GLOD5: variants seen among roughly 807,000 people sequenced by gnomAD.
GLOD5 encodes glyoxalase domain-containing protein 5.
Under a neutral mutation model 9.9 loss-of-function variants are expected in GLOD5, and 7 were observed. The ratio of observed to expected loss-of-function variants is 0.71; its 90% CI spans 0.40 to 1.33. The LOEUF (loss-of-function observed/expected upper bound fraction) is 1.33. Ranked by LOEUF, GLOD5 falls within the 40% of genes most tolerant of loss-of-function variation. GLOD5 has a pLI of 0.01. For missense variants in GLOD5, 146 were observed against 128.4 expected (o/e 1.14, Z -0.66); for synonymous variants, 49 against 47.3 (o/e 1.04, Z -0.14).
Position 48,773,295 on chromosome X carries a change from T to G in GLOD5, c.358-15T>G. On this transcript the variant is annotated splice_polypyrimidine_tract_variant and intron_variant, in intron 3 of 3. Transcript: ENST00000303227. ...CATTTTGACGAACGACTTTTGTCTT[T>G]TCTTCCCACTTCAGGCTTGTGATGT... The G allele has an allele frequency of 8.3e-7, 1 of 1,210,786 alleles. No individual in the cohort carries two copies. Among genetic ancestry groups the G allele is most frequent in the Admixed American group, 2.2e-5 (1 of 45,949 alleles).
chrX:48,773,634 T>C lies in GLOD5; in HGVS notation c.*199T>C, dbSNP rs1267604297. ...CATCAAAGTTGGCCTAATAAATGCATAACCTCTCAATGAATACGGGGTCTT... is the reference window on the plus strand; with the variant it reads ...CATCAAAGTTGGCCTAATAAATGCACAACCTCTCAATGAATACGGGGTCTT... On this transcript the variant is annotated 3_prime_UTR_variant, in exon 4 of 4. Transcript: ENST00000303227. The C allele has an allele frequency of 2.4e-6, 1 of 416,788 alleles. No homozygotes were observed. Among genetic ancestry groups the C allele is most frequent in the East Asian group, 4.0e-5 (1 of 24,881 alleles). The allele number at this position is 416,788 out of a possible 1,213,427, so 34.3% of individuals were successfully genotyped here. A position where few individuals can be genotyped will look rare whatever the true frequency, so the allele number is the denominator to read the frequency against.
chrX:48,770,866 C>T, intron 2 of GLOD5, 61 bp from the exon 3 acceptor site: 4 of 934,801 alleles, frequency 4.3e-6, no homozygotes, highest in East Asian at 3.5e-5. Context: ...AAGGCTTCAT[C>T]TCACACTCAT....
chrX:48,770,845 G>C, intron 2 of GLOD5, 82 bp from the exon 3 acceptor site: 1 of 756,006 alleles, frequency 1.3e-6, no homozygotes, highest in South Asian at 3.8e-5. Flanking sequence ...AACCTTGTTG[G>C]GATAGGTGGA....
At chrX:48,766,003 G>A in intron 2 of GLOD5, 31 bp downstream of exon 2, 4 of 1,184,035 alleles carry the variant, frequency 3.4e-6, no homozygotes, top group Non-Finnish European at 4.6e-6. Flanking sequence ...CAAAATTCAG[G>A]TGGGCTAAAA....
At chrX:48,772,401 G>A (rs1465898094) in intron 3 of GLOD5, among the ~76,000 whole-genome samples, 2 of 110,601 alleles carry the variant, frequency 1.8e-5, no homozygotes, top group Non-Finnish European at 3.8e-5. Flanking sequence ...TTAGCCAGAC[G>A]TGGCGGTGTG....
chrX:48,762,224 C>T (rs2062598115), intron 1 of GLOD5: 1 of 139,793 alleles, frequency 7.2e-6, no homozygotes, highest in Non-Finnish European at 1.4e-5. Flanking sequence ...AATTCAGAGG[C>T]CCCTGGCAAC....
rs1173032749 is a variant in GLOD5, at chrX:48,761,792, T to TG, written c.3dup (p.Leu2_?1). The TG allele has an allele frequency of 8.6e-7, 1 of 1,163,974 alleles. No individual in the cohort carries two copies. The highest frequency in any genetic ancestry group is 1.1e-6 in the Non-Finnish European group (1 of 871,363). The stretch of plus-strand genomic sequence containing the variant: ...CTGGGCAAAGACGCCTACCCTGCCA[T>TG]GCTGCGCCATCTGCCCTCCAGGCTG... On this transcript the variant is annotated frameshift_variant and start_lost, in exon 1 of 4. Transcript: ENST00000303227. LOFTEE classifies it high-confidence loss of function.
chrX:48,770,973 A>C lies in GLOD5; in HGVS notation c.248A>C (p.His83Pro), dbSNP rs1197787045. Residue 83 changes from histidine to proline, a missense_variant, in exon 3 of 4, where the codon CAC becomes CCC. Transcript: ENST00000303227. Reference protein sequence around the residue: ...LCFGDQKFNLHEVGKEFEPKA... With the variant: ...LCFGDQKFNLPEVGKEFEPKA... ...TTTGGAGACCAGAAATTTAACCTCCACGAGGTGGGAAAGGAATTTGAACCC... is the reference window on the plus strand; with the variant it reads ...TTTGGAGACCAGAAATTTAACCTCCCCGAGGTGGGAAAGGAATTTGAACCC... 2 of 1,201,521 alleles carry C rather than the reference A, an allele frequency of 1.7e-6. No homozygotes were observed. Among genetic ancestry groups the C allele is most frequent in the Non-Finnish European group, 2.2e-6 (2 of 889,411 alleles).
rs2062627847 is a variant in GLOD5 at position 48,773,359 on chromosome X, A to G, written c.407A>G (p.Lys136Arg). 8.3e-7 allele frequency: 1 copy of G among 1,206,692 alleles called. No homozygotes were observed. Among genetic ancestry groups the G allele is most frequent in the African/African-American group, 1.8e-5 (1 of 56,823 alleles). Residue 136 changes from lysine to arginine, a missense_variant, in exon 4 of 4, where the codon AAA becomes AGA. Lys to Arg is a conservative substitution (Grantham distance 26). Transcript: ENST00000303227. ...GGGCCAGTCCCCAGAACAGGGGCAA[A>G]AGGGCCTATCATGTCCATCTACTTC... ...EEGPVPRTGA[K>R]GPIMSIYFRD...
At chrX:48,768,532 T>C (rs1329973274) in intron 2 of GLOD5, among the ~76,000 whole-genome samples, 2 of 111,903 alleles carry the variant, frequency 1.8e-5, no homozygotes, top group East Asian at 5.6e-4. Context: ...TTCAGAACAT[T>C]AGGATTAAGA....
intron 2 of GLOD5, among the ~76,000 whole-genome samples, chrX:48,766,996 A>AAAAAAAAAAAAAAAAAAAAAAAAC (rs2062611184): frequency 1.2e-5 from 1 of 80,385 alleles, no homozygotes; most frequent in Non-Finnish European, 2.4e-5. Flanking sequence ...AAAAAAAAAA[A>AAAAAAAAAAAAAAAAAAAAAAAAC]AAAAAAAAAC....
At position 48,765,973 on chromosome X, in the gene GLOD5, G is replaced by T; in HGVS notation, c.201+1G>T. Reference sequence around the variant, plus strand: ...GGGCATGGAGGTCATGACTTTTAAGGTAAGCACTTCCCCAAATGCCAAAAT... The same window carrying T: ...GGGCATGGAGGTCATGACTTTTAAGTTAAGCACTTCCCCAAATGCCAAAAT... On this transcript the variant is annotated splice_donor_variant, in intron 2 of 3. Transcript: ENST00000303227. LOFTEE classifies it high-confidence loss of function. The T allele has an allele frequency of 8.3e-7, 1 of 1,205,458 alleles. No individual in the cohort carries two copies. The highest frequency in any genetic ancestry group is 1.7e-5 in the African/African-American group (1 of 57,615).
At chrX:48,769,288 G>C (rs1238958421) in intron 2 of GLOD5, among the ~76,000 whole-genome samples, 1 of 106,413 alleles carries the variant, frequency 9.4e-6, no homozygotes, top group Non-Finnish European at 1.9e-5. Context: ...AGGATCGCTT[G>C]AGCTCAGGAG....
chrX:48,762,686 C>G (rs1330466519), intron 1 of GLOD5, among the ~76,000 whole-genome samples: 1 of 111,204 alleles, frequency 9.0e-6, no homozygotes, highest in Non-Finnish European at 1.9e-5. Context: ...ATCCACCCAC[C>G]TTGGCCTCCC....
chrX:48,768,991 C>T (rs782123713), intron 2 of GLOD5, among the ~76,000 whole-genome samples: 1 of 105,299 alleles, frequency 9.5e-6, no homozygotes, highest in African/African-American at 3.5e-5. Flanking sequence ...GATCTCGCCA[C>T]TGCACTCCAG....
intron 2 of GLOD5, among the ~76,000 whole-genome samples, 156 bp from the exon 3 acceptor site, chrX:48,770,771 A>G (rs1557017271): frequency 1.8e-5 from 2 of 111,946 alleles, no homozygotes; most frequent in African/African-American, 6.5e-5. Context: ...CCTCTAGGGA[A>G]TGAGCCTTGG....
chrX:48,771,299 A>G (rs1199809642), intron 3 of GLOD5, among the ~76,000 whole-genome samples: 4 of 109,870 alleles, frequency 3.6e-5, no homozygotes, highest in African/African-American at 1.0e-4. Context: ...ACAAACCTAC[A>G]TTTATGCACT....
At chrX:48,763,812 T>C (rs1557016274) in intron 1 of GLOD5, among the ~76,000 whole-genome samples, 1 of 112,898 alleles carries the variant, frequency 8.9e-6, no homozygotes, top group African/African-American at 3.2e-5. Flanking sequence ...TGTGGATCTT[T>C]TGTATCCACC....
chrX:48,771,044 A>G lies in GLOD5; in HGVS notation c.319A>G (p.Thr107Ala). 1 of 1,196,156 alleles carries G rather than the reference A, an allele frequency of 8.4e-7. No individual in the cohort carries two copies. Among genetic ancestry groups the G allele is most frequent in the Non-Finnish European group, 1.1e-6 (1 of 889,358 alleles). Residue 107 changes from threonine (T) to alanine (A), a missense_variant, in exon 3 of 4, where the codon ACA becomes GCA. By Grantham distance (58) the Thr-to-Ala change is moderately conservative. Coordinates refer to ENST00000303227, the MANE Select transcript of GLOD5 (RefSeq NM_001080489.3). ...VPGSLDICLI[T>A]EVPLEEMIQH... ...TGGCTCCCTGGACATATGTCTGATC[A>G]CAGAGGTGCCTTTGGAGGAAATGAT...
Sources: gnomAD v4.1 joint callset for allele counts (sites outside exome capture counted in the v4.1 genomes callset) on GRCh38, gnomAD v4.1.1 for gene constraint, MANE v1.5 for transcripts, NCBI Gene and HGNC (gene_info 2026-07-23, HGNC 2026-07-21) for gene names.